Variants in IGSF21 observed in about 807,000 individuals in gnomAD.
The protein encoded by IGSF21 is immunoglobulin superfamily member 21.
In IGSF21, 28 loss-of-function variants were observed where a neutral mutation model predicts 46.8. The ratio of observed to expected loss-of-function variants is 0.60; its 90% CI spans 0.44 to 0.82. The LOEUF is 0.82. IGSF21 is among the 40% of genes least tolerant of loss of function. The pLI, the probability that IGSF21 is intolerant of heterozygous loss-of-function variation, is 0.00. For synonymous variants in IGSF21, 284 were observed against 273.6 expected, an observed-to-expected ratio of 1.04 and a Z score of -0.38; for missense variants, 624 against 665.5, an observed-to-expected ratio of 0.94 and a Z score of 0.69.
chr1:18,315,095 G>C (rs2085527278), intron 3 of IGSF21, among the ~76,000 whole-genome samples: 1 of 152,178 alleles, frequency 6.6e-6, no homozygotes, highest in Admixed American at 6.5e-5. Context: ...CTGGAGTGAA[G>C]GGAGGAGAGT....
chr1:18,336,705 A>G (rs1422083009), intron 4 of IGSF21, among the ~76,000 whole-genome samples: 2 of 152,228 alleles, frequency 1.3e-5, no homozygotes, highest in Admixed American at 1.3e-4. Context: ...TGAGCAGGTT[A>G]TTCTCCTACT....
intron 2 of IGSF21, among the ~76,000 whole-genome samples, chr1:18,281,034 C>A (rs1195740082): frequency 7.0e-6 from 1 of 142,882 alleles, no homozygotes; most frequent in African/African-American, 2.7e-5. Flanking sequence ...ACCCCAACCT[C>A]CACCTCACCC....
intron 1 of IGSF21, among the ~76,000 whole-genome samples, chr1:18,192,695 G>A (rs1412477415): frequency 6.6e-6 from 1 of 152,102 alleles, no homozygotes; most frequent in Non-Finnish European, 1.5e-5. Context: ...GCCTGGGTTG[G>A]CATCGTTCCC....
At chr1:18,226,169 G>A (rs2084564333) in intron 1 of IGSF21, among the ~76,000 whole-genome samples, 2 of 152,320 alleles carry the variant, frequency 1.3e-5, no homozygotes, top group South Asian at 2.1e-4. Context: ...CTCCTTGTTT[G>A]TCATGCCCCA....
chr1:18,244,509 A>G (rs1029984819), intron 2 of IGSF21, among the ~76,000 whole-genome samples: 6 of 152,226 alleles, frequency 3.9e-5, no homozygotes, highest in African/African-American at 1.4e-4. Flanking sequence ...GAGTGGACTC[A>G]ATGCCGGAAC....
chr1:18,249,792 G>A (rs1005839074), intron 2 of IGSF21, among the ~76,000 whole-genome samples: 1 of 152,176 alleles, frequency 6.6e-6, no homozygotes, highest in African/African-American at 2.4e-5. Flanking sequence ...AGTTGTGGAT[G>A]GGAAACCCAC....
At chr1:18,186,827 C>T (rs188098170) in intron 1 of IGSF21, among the ~76,000 whole-genome samples, 2 of 152,278 alleles carry the variant, frequency 1.3e-5, no homozygotes, top group Admixed American at 1.3e-4. Flanking sequence ...CTGCCCTCAC[C>T]TAACTTCCCT....
chr1:18,239,395 G>A (rs2084703938), intron 2 of IGSF21, among the ~76,000 whole-genome samples: 1 of 152,128 alleles, frequency 6.6e-6, no homozygotes, highest in Admixed American at 6.5e-5. Flanking sequence ...GTTGCAGACA[G>A]GCACAGCCGT....
intron 2 of IGSF21, among the ~76,000 whole-genome samples, chr1:18,231,180 G>A (rs1168068708): frequency 6.6e-6 from 1 of 152,180 alleles, no homozygotes; most frequent in Non-Finnish European, 1.5e-5. Flanking sequence ...CCCAAAACAT[G>A]TGTCAAGCCC....
chr1:18,260,135 C>T (rs745378912), intron 2 of IGSF21, among the ~76,000 whole-genome samples: 11 of 152,210 alleles, frequency 7.2e-5, no homozygotes, highest in Non-Finnish European at 1.5e-4. Context: ...CCCTTTCCTC[C>T]TCATGGCTGG....
intron 1 of IGSF21, among the ~76,000 whole-genome samples, chr1:18,192,875 C>A (rs1004218): frequency 6.6e-6 from 1 of 151,644 alleles, no homozygotes; most frequent in Non-Finnish European, 1.5e-5. Context: ...TGCAGTGGGC[C>A]GATTCAATTC....
At chr1:18,364,262 T>C (rs984539789) in intron 5 of IGSF21, among the ~76,000 whole-genome samples, 1 of 151,980 alleles carries the variant, frequency 6.6e-6, no homozygotes, top group Admixed American at 6.6e-5. Flanking sequence ...TAAAGCACTT[T>C]TCAAAAAGAA....
intron 6 of IGSF21, among the ~76,000 whole-genome samples, chr1:18,375,722 G>A (rs1456120621): frequency 1.3e-5 from 2 of 152,176 alleles, no homozygotes; most frequent in Non-Finnish European, 2.9e-5. Context: ...TCAGGAGTAG[G>A]AGACCCGCAC....
At chr1:18,308,748 C>T (rs2085452334) in intron 3 of IGSF21, among the ~76,000 whole-genome samples, 1 of 152,148 alleles carries the variant, frequency 6.6e-6, no homozygotes, top group Admixed American at 6.5e-5. Context: ...TCTGGCTTGA[C>T]CTGAGTGTGG....
chr1:18,169,217 C>T (rs560127616), intron 1 of IGSF21, among the ~76,000 whole-genome samples: 1 of 152,372 alleles, frequency 6.6e-6, no homozygotes, highest in South Asian at 2.1e-4. Context: ...AGATCCCCAC[C>T]AGCTGGATCC....
chr1:18,369,777 C>T (rs1461826755), intron 6 of IGSF21, among the ~76,000 whole-genome samples: 2 of 152,188 alleles, frequency 1.3e-5, no homozygotes, highest in Non-Finnish European at 2.9e-5. Context: ...GGATGCCCTC[C>T]GCAGCTGAAA....
At chr1:18,180,578 G>A (rs1488994736) in intron 1 of IGSF21, among the ~76,000 whole-genome samples, 1 of 152,216 alleles carries the variant, frequency 6.6e-6, no homozygotes, top group Non-Finnish European at 1.5e-5. Flanking sequence ...AGTTATGGAA[G>A]GATGAGGGAA....
chr1:18,255,112 A>G (rs577619438), intron 2 of IGSF21, among the ~76,000 whole-genome samples: 1 of 152,356 alleles, frequency 6.6e-6, no homozygotes, highest in East Asian at 1.9e-4. Context: ...CTGGTCTTCC[A>G]GTCTCCAGCC....
At chr1:18,117,975 G>A (rs1369866222) in intron 1 of IGSF21, among the ~76,000 whole-genome samples, 1 of 152,208 alleles carries the variant, frequency 6.6e-6, no homozygotes, top group African/African-American at 2.4e-5. Flanking sequence ...GCTTGGCCAG[G>A]TGGACCCACC....
Sources: allele counts gnomAD v4.1 joint callset (sites outside exome capture counted in the v4.1 genomes callset), GRCh38; gene constraint gnomAD v4.1.1; transcripts MANE v1.5; gene names NCBI Gene and HGNC (gene_info 2026-07-23, HGNC 2026-07-21).